The following COL21A1 variants were observed in gnomAD, a reference collection of about 807,000 sequenced individuals.
COL21A1 encodes the protein collagen type XXI alpha 1 chain.
In COL21A1, 149 loss-of-function variants were observed where a neutral mutation model predicts 137.9. That is an observed-to-expected ratio of 1.08 (90% CI 0.95 to 1.24). The LOEUF (loss-of-function observed/expected upper bound fraction) is 1.24. Among genes scored for constraint, COL21A1 ranks in the 50% most tolerant of loss-of-function variants. The pLI is 0.00. For synonymous variants in COL21A1, 456 were observed against 391.5 expected (o/e 1.16, Z -1.95); for missense variants, 1,167 against 1,158.4 (o/e 1.01, Z -0.11).
chr6:56,302,603 G>C (rs1462321594), intron 1 of COL21A1, among the ~76,000 whole-genome samples: 2 of 152,092 alleles, frequency 1.3e-5, no homozygotes, highest in South Asian at 4.2e-4. Flanking sequence ...AAATTTGTTA[G>C]AGTTCATTGT....
chr6:56,136,040 C>T (rs756499456), intron 12 of COL21A1, among the ~76,000 whole-genome samples: 3 of 152,088 alleles, frequency 2.0e-5, no homozygotes, highest in Non-Finnish European at 4.4e-5. Context: ...TCATACTTAC[C>T]TAATCTGTTA....
At chr6:56,080,416 C>G (rs1767647068) in intron 17 of COL21A1, among the ~76,000 whole-genome samples, 1 of 151,686 alleles carries the variant, frequency 6.6e-6, no homozygotes, top group African/African-American at 2.4e-5. Context: ...TTCTCTGTAA[C>G]CATTTAAACC....
intron 1 of COL21A1, among the ~76,000 whole-genome samples, chr6:56,185,995 A>T (rs191885189): frequency 0.068 from 10,356 of 151,458 alleles, 417 homozygotes; most frequent in South Asian, 0.12. Flanking sequence ...AACCCTAATT[A>T]AAAAGAAAAC....
chr6:56,295,116 AG>A (rs1764132954), intron 1 of COL21A1, among the ~76,000 whole-genome samples: 1 of 151,906 alleles, frequency 6.6e-6, no homozygotes, highest in Non-Finnish European at 1.5e-5. Context: ...GAAGGGTGCA[AG>A]GTCTGTGTTT....
intron 12 of COL21A1, among the ~76,000 whole-genome samples, chr6:56,131,565 C>T (rs1269425444): frequency 6.6e-6 from 1 of 151,956 alleles, no homozygotes; most frequent in Non-Finnish European, 1.5e-5. Flanking sequence ...CCTTAAAAAT[C>T]TCTGAGTCCA....
intron 10 of COL21A1, among the ~76,000 whole-genome samples, chr6:56,150,060 T>TC (rs1284392507): frequency 1.3e-5 from 2 of 152,054 alleles, no homozygotes; most frequent in Non-Finnish European, 2.9e-5. Flanking sequence ...CTATTAACCT[T>TC]CCCCCAACCA....
At chr6:56,265,190 G>C (rs1328703231) in intron 1 of COL21A1, among the ~76,000 whole-genome samples, 2 of 152,214 alleles carry the variant, frequency 1.3e-5, no homozygotes, top group Admixed American at 1.3e-4. Flanking sequence ...GACTGTGTGA[G>C]TTTGCCATGG....
At chr6:56,097,538 G>C (rs1296323874) in intron 17 of COL21A1, among the ~76,000 whole-genome samples, 1 of 151,346 alleles carries the variant, frequency 6.6e-6, no homozygotes, top group African/African-American at 2.4e-5. Context: ...AGAAAAAAAA[G>C]AAAAGAAGGA....
At chr6:56,381,221 A>AT (rs1461992476) in intron 1 of COL21A1, among the ~76,000 whole-genome samples, 1 of 152,156 alleles carries the variant, frequency 6.6e-6, no homozygotes, top group Admixed American at 6.6e-5. Flanking sequence ...GGGGGCAAGA[A>AT]TTTTTTTAAT....
At chr6:56,081,249 T>G (rs1767736039) in intron 17 of COL21A1, among the ~76,000 whole-genome samples, 1 of 149,850 alleles carries the variant, frequency 6.7e-6, no homozygotes. Flanking sequence ...TCTTTTTTCT[T>G]TTTTTTTTTC....
At chr6:56,228,452 T>G (rs960978901) in intron 1 of COL21A1, among the ~76,000 whole-genome samples, 1 of 151,786 alleles carries the variant, frequency 6.6e-6, no homozygotes, top group Non-Finnish European at 1.5e-5. Flanking sequence ...GATAGTGATG[T>G]CTTTCCCTGA....
chr6:56,121,988 T>C (rs1582413096), intron 16 of COL21A1, among the ~76,000 whole-genome samples: 1 of 152,052 alleles, frequency 6.6e-6, no homozygotes, highest in Non-Finnish European at 1.5e-5. Context: ...TATGAACCTA[T>C]AAGGAAGGCA....
At chr6:56,276,472 CT>C in intron 1 of COL21A1, 1 of 719,164 alleles carries the variant, frequency 1.4e-6, no homozygotes, top group Non-Finnish European at 2.3e-6. Context: ...AAAATACATA[CT>C]TTTTTCAGAG....
At chr6:56,380,061 G>C (rs949853568) in intron 1 of COL21A1, among the ~76,000 whole-genome samples, 2 of 152,150 alleles carry the variant, frequency 1.3e-5, no homozygotes, top group Non-Finnish European at 2.9e-5. Context: ...TTTGGATCCT[G>C]GGGTAGATCC....
Position 56,067,345 on chromosome 6 carries a change from T to C in COL21A1, c.2092-15A>G. The C allele has an allele frequency of 6.2e-7, 1 of 1,605,308 alleles. No homozygotes were observed. Among genetic ancestry groups the C allele is most frequent in the Non-Finnish European group, 8.5e-7 (1 of 1,173,556 alleles). On this transcript the variant is annotated splice_polypyrimidine_tract_variant and intron_variant, in intron 22 of 29. Transcript: ENST00000244728. ...CCTTTGTCCCCCTACAAAAAGGCAG[T>C]TTGATCTGTATCATAATCTAGCATA...
chr6:56,067,170 G>C, intron 23 of COL21A1, 125 bp downstream of exon 23: 1 of 776,074 alleles, frequency 1.3e-6, no homozygotes, highest in Non-Finnish European at 1.9e-6. Context: ...ATAGCAAAAG[G>C]AGAAAATAGG....
At chr6:56,209,078 A>T (rs1779984207) in intron 1 of COL21A1, among the ~76,000 whole-genome samples, 1 of 152,184 alleles carries the variant, frequency 6.6e-6, no homozygotes, top group South Asian at 2.1e-4. Flanking sequence ...ACCCTAGAAT[A>T]AAACCTTGGC....
chr6:56,327,024 A>C (rs6910756), intron 1 of COL21A1, among the ~76,000 whole-genome samples: 149,952 of 152,114 alleles, frequency 0.99, 73,942 homozygotes, highest in Middle Eastern at 1. Flanking sequence ...TTCAGAATGG[A>C]CTTTTTCCCT....
At chr6:56,081,838 A>T (rs1325629621) in intron 17 of COL21A1, among the ~76,000 whole-genome samples, 1 of 151,946 alleles carries the variant, frequency 6.6e-6, no homozygotes, top group African/African-American at 2.4e-5. Flanking sequence ...TTACCCAAAG[A>T]TAAACAATTT....
Sources: gnomAD v4.1 joint callset for allele counts (sites outside exome capture counted in the v4.1 genomes callset) on GRCh38, gnomAD v4.1.1 for gene constraint, MANE v1.5 for transcripts, NCBI Gene and HGNC (gene_info 2026-07-23, HGNC 2026-07-21) for gene names.